The following PSMD14 variants were observed in gnomAD, a reference collection of about 807,000 sequenced individuals.
PSMD14 encodes the protein proteasome 26S subunit, non-ATPase 14.
PSMD14 carries 7 observed loss-of-function variants against 41.2 expected under a neutral mutation model. That is an observed-to-expected ratio of 0.17 (90% CI 0.10 to 0.32). PSMD14 has a LOEUF of 0.32. Among genes scored for constraint, PSMD14 ranks in the 10% least tolerant of loss-of-function variants. PSMD14 has a pLI of 1.00. For missense variants in PSMD14, 139 were observed against 375.6 expected (o/e 0.37, Z 5.21); for synonymous variants, 114 against 122.3 (o/e 0.93, Z 0.45).
intron 3 of PSMD14, among the ~76,000 whole-genome samples, chr2:161,343,844 G>T (rs1420132725): frequency 6.8e-6 from 1 of 146,522 alleles, no homozygotes; most frequent in Non-Finnish European, 1.5e-5. Context: ...AAAAAAAAAT[G>T]TCTTTGAGTC....
intron 3 of PSMD14, among the ~76,000 whole-genome samples, chr2:161,320,509 A>G (rs1682551092): frequency 2.6e-5 from 4 of 152,094 alleles, no homozygotes; most frequent in Admixed American, 2.6e-4. Flanking sequence ...CTTAAGAATC[A>G]TTTCATCTCA....
intron 2 of PSMD14, 110 bp downstream of exon 2, chr2:161,316,679 T>C (rs1689151431): frequency 6.6e-6 from 1 of 152,254 alleles, no homozygotes; most frequent in South Asian, 2.1e-4. Context: ...ATGTGATTGA[T>C]AACCAGATTT....
chr2:161,370,224 T>G, intron 6 of PSMD14, 47 bp downstream of exon 6: 1 of 1,336,798 alleles, frequency 7.5e-7, no homozygotes, highest in Non-Finnish European at 1.0e-6. Flanking sequence ...GAAATATTTA[T>G]AGAAACATAC....
At chr2:161,331,509 C>T (rs1416579783) in intron 3 of PSMD14, among the ~76,000 whole-genome samples, 1 of 152,050 alleles carries the variant, frequency 6.6e-6, no homozygotes, top group African/African-American at 2.4e-5. Flanking sequence ...CTGCCTGCCT[C>T]GGCCTACCAA....
At chr2:161,327,282 G>C (rs951339192) in intron 3 of PSMD14, among the ~76,000 whole-genome samples, 6 of 152,106 alleles carry the variant, frequency 3.9e-5, no homozygotes, top group Non-Finnish European at 7.4e-5. Flanking sequence ...AAAAGTTCTG[G>C]AACTGGTGTT....
intron 2 of PSMD14, 29 bp from the exon 3 acceptor site, chr2:161,318,793 A>G: frequency 5.6e-6 from 9 of 1,594,882 alleles, no homozygotes; most frequent in Non-Finnish European, 7.7e-6. Flanking sequence ...TGTGCTTAGG[A>G]ACGTTTTTTC....
At chr2:161,401,170 C>T (rs1187787620) in intron 10 of PSMD14, among the ~76,000 whole-genome samples, 2 of 152,252 alleles carry the variant, frequency 1.3e-5, no homozygotes, top group Non-Finnish European at 2.9e-5. Flanking sequence ...CTTTTCCCTA[C>T]ACCTTTCCTA....
rs760834824 is a variant in PSMD14 at position 161,391,185 on chromosome 2, T to G, written c.645+7T>G. On this transcript the variant is annotated splice_region_variant and intron_variant, in intron 9 of 11. Transcript: ENST00000409682. Reference sequence around the variant, plus strand: ...AAATGAACTGGAACAGAAGGTAAGTTTAAATTTTTATCTTATAGGAGGAAA... The same window carrying G: ...AAATGAACTGGAACAGAAGGTAAGTGTAAATTTTTATCTTATAGGAGGAAA... 1 of 1,509,478 alleles carries G rather than the reference T, an allele frequency of 6.6e-7. No individual in the cohort carries two copies. The highest frequency in any genetic ancestry group is 8.9e-7 in the Non-Finnish European group (1 of 1,127,462). 93.5% of individuals were successfully genotyped at this position (1,509,478 alleles called of 1,614,324 possible).
intron 9 of PSMD14, among the ~76,000 whole-genome samples, chr2:161,391,751 C>G (rs1683714877): frequency 1.3e-5 from 2 of 152,068 alleles, no homozygotes; most frequent in African/African-American, 4.8e-5. Flanking sequence ...ACCACCACAC[C>G]TGGCTATTTT....
chr2:161,358,881 G>A (rs1041630620), intron 3 of PSMD14, among the ~76,000 whole-genome samples: 13 of 152,152 alleles, frequency 8.5e-5, no homozygotes, highest in African/African-American at 3.1e-4. Flanking sequence ...TTTGCTCAGG[G>A]CATAGCCATC....
chr2:161,319,979 A>G (rs1276123904), intron 3 of PSMD14, among the ~76,000 whole-genome samples: 1 of 152,134 alleles, frequency 6.6e-6, no homozygotes, highest in African/African-American at 2.4e-5. Context: ...TTTCTTCATG[A>G]TTCTTCATTT....
intron 11 of PSMD14, among the ~76,000 whole-genome samples, chr2:161,410,691 G>A (rs1684012200): frequency 1.3e-5 from 2 of 151,990 alleles, no homozygotes. Context: ...ATAGCTACAT[G>A]AAACATTCTT....
chr2:161,363,269 G>A (rs1024909334), intron 3 of PSMD14, among the ~76,000 whole-genome samples: 1 of 152,130 alleles, frequency 6.6e-6, no homozygotes, highest in South Asian at 2.1e-4. Context: ...CATGAAACTG[G>A]TCCCTGGCAC....
intron 3 of PSMD14, among the ~76,000 whole-genome samples, chr2:161,325,254 G>T (rs1447425488): frequency 6.6e-6 from 1 of 152,082 alleles, no homozygotes; most frequent in Admixed American, 6.5e-5. Context: ...ATCCCAGAAG[G>T]CTTCCTGAAT....
At chr2:161,309,062 C>G (rs1689058380) in intron 1 of PSMD14, among the ~76,000 whole-genome samples, 1 of 152,154 alleles carries the variant, frequency 6.6e-6, no homozygotes, top group Non-Finnish European at 1.5e-5. Context: ...GTTTTCAGCT[C>G]CCTCCAAAAA....
rs144647588 is a variant in PSMD14, at chr2:161,316,481, C to T, written c.-93C>T. 158 of 152,080 alleles carry T rather than the reference C, an allele frequency of 1.0e-3. 1 individual carries two copies. Among genetic ancestry groups the T allele is most frequent in the African/African-American group, 3.7e-3 (152 of 41,492 alleles). 9.4% of individuals were successfully genotyped at this position (152,080 alleles called of 1,614,324 possible). On this transcript the variant is annotated 5_prime_UTR_variant, in exon 2 of 12. Transcript: ENST00000409682. The stretch of plus-strand genomic sequence containing the variant: ...ATATACTTGGGGAAGTTGTACCTGC[C>T]AGAATTAGCAAGAGCTTTCTTTAAG...
chr2:161,365,592 C>T (rs1359628194), intron 3 of PSMD14, among the ~76,000 whole-genome samples: 2 of 151,966 alleles, frequency 1.3e-5, no homozygotes, highest in East Asian at 1.9e-4. Flanking sequence ...ACTTCTTTCT[C>T]CATATGCAAT....
intron 3 of PSMD14, among the ~76,000 whole-genome samples, chr2:161,321,006 G>A (rs1299673936): frequency 3.3e-5 from 5 of 152,174 alleles, no homozygotes; most frequent in African/African-American, 9.7e-5. Context: ...GATTACAGGC[G>A]TGAGCCACTG....
intron 1 of PSMD14, among the ~76,000 whole-genome samples, chr2:161,313,800 C>G (rs539045988): frequency 2.4e-4 from 34 of 143,548 alleles, no homozygotes; most frequent in African/African-American, 8.0e-4. Flanking sequence ...TAGATCAGTT[C>G]TGTATTTCAA....
Sources: gnomAD v4.1 joint callset for allele counts (sites outside exome capture counted in the v4.1 genomes callset) on GRCh38, gnomAD v4.1.1 for gene constraint, MANE v1.5 for transcripts, NCBI Gene and HGNC (gene_info 2026-07-23, HGNC 2026-07-21) for gene names.